GAS2L3: variants seen among roughly 807,000 people sequenced by gnomAD.
GAS2L3 encodes GAS2-like protein 3.
A neutral mutation model predicts 37.0 loss-of-function variants in GAS2L3; 28 were observed. That is an observed-to-expected ratio of 0.76 (90% CI 0.56 to 1.04). The LOEUF (loss-of-function observed/expected upper bound fraction) is 1.04, where lower values mean the gene tolerates loss of function less well. Ranked by LOEUF, GAS2L3 falls within the 50% of genes least tolerant of loss-of-function variation. GAS2L3 has a pLI of 0.00. For missense variants in GAS2L3, 793 were observed against 817.6 expected (o/e 0.97, Z 0.37); for synonymous variants, 290 against 296.6 (o/e 0.98, Z 0.23).
intron 3 of GAS2L3, among the ~76,000 whole-genome samples, chr12:100,596,349 C>G (rs1240663165): frequency 6.6e-6 from 1 of 151,978 alleles, no homozygotes; most frequent in Admixed American, 6.6e-5. Flanking sequence ...TGCCACATTG[C>G]CCATGTTTTT....
intron 2 of GAS2L3, among the ~76,000 whole-genome samples, chr12:100,592,834 G>A (rs1955862986): frequency 6.6e-6 from 1 of 151,886 alleles, no homozygotes; most frequent in Non-Finnish European, 1.5e-5. Context: ...TCCTCAAGTT[G>A]GCAAAGAATT....
intron 1 of GAS2L3, among the ~76,000 whole-genome samples, chr12:100,581,457 G>C (rs989072787): frequency 1.3e-5 from 2 of 152,210 alleles, no homozygotes; most frequent in African/African-American, 4.8e-5. Context: ...GGCACTTGTG[G>C]GTGCACTAGA....
At chr12:100,579,540 AAG>A in intron 1 of GAS2L3, 1 of 774,442 alleles carries the variant, frequency 1.3e-6, no homozygotes, top group Non-Finnish European at 2.4e-6. Flanking sequence ...AGAGGGACCA[AAG>A]AGAATCATTT....
In GAS2L3 at chr12:100,575,476, A is replaced by ATTTTT. The variant is rs58446699; in HGVS notation, c.-152+1710_-152+1714dup. ...CTAAAATGTAGTTCATGTTATCTCT[A>ATTTTT]TTTTTTTTTTTTTTTTTTTTTTTGA... is the stretch of plus-strand genomic sequence containing the variant. On this transcript the variant is annotated intron_variant, in intron 1 of 9. Coordinates refer to ENST00000547754, the MANE Select transcript of GAS2L3 (RefSeq NM_174942.3). Among the ~76,000 whole-genome samples the ATTTTT allele has an allele frequency of 3.3e-3, 289 of 88,770 alleles. 20 individuals are homozygous for ATTTTT. Among genetic ancestry groups the ATTTTT allele is most frequent in the South Asian group, 5.5e-3 (12 of 2,166 alleles). 58.2% of individuals were successfully genotyped at this position (88,770 alleles called of 152,430 possible). A position where few individuals can be genotyped will look rare whatever the true frequency, so the allele number is the denominator to read the frequency against.
intron 6 of GAS2L3, among the ~76,000 whole-genome samples, chr12:100,614,484 C>A (rs991599685): frequency 6.6e-6 from 1 of 151,932 alleles, no homozygotes; most frequent in African/African-American, 2.4e-5. Flanking sequence ...ACTATCTTAA[C>A]CATGTAACCA....
chr12:100,592,662 C>A (rs938830597), intron 2 of GAS2L3, among the ~76,000 whole-genome samples: 2 of 152,084 alleles, frequency 1.3e-5, no homozygotes, highest in African/African-American at 2.4e-5. Flanking sequence ...GTGTTTCCAA[C>A]ATTTTCCTCG....
At chr12:100,616,802 GATTT>G (rs1252636203) in intron 6 of GAS2L3, among the ~76,000 whole-genome samples, 1 of 151,924 alleles carries the variant, frequency 6.6e-6, no homozygotes, top group Non-Finnish European at 1.5e-5. Context: ...GTCTATATAT[GATTT>G]ATTTATTTTT....
chr12:100,608,755 C>T (rs1956089762), intron 5 of GAS2L3, among the ~76,000 whole-genome samples: 1 of 152,140 alleles, frequency 6.6e-6, no homozygotes, highest in African/African-American at 2.4e-5. Flanking sequence ...TCGTGATCCG[C>T]CCGCCTCGGC....
In GAS2L3 at chr12:100,623,452, A is replaced by G; in HGVS notation, c.757-110A>G. 3.2e-6 allele frequency: 3 copies of G among 925,500 alleles called. No homozygotes were observed. In the South Asian group the frequency reaches 7.2e-5, roughly 22 times the overall value. The allele number at this position is 925,500 out of a possible 1,614,324, so 57.3% of individuals were successfully genotyped here. ...CAATTTGTAGTGAGGCTGTTGGCAA[A>G]TGCTCTGAATTTTATAGATCACAGA... On this transcript the variant is annotated intron_variant, in intron 9 of 9. Transcript: ENST00000547754.
At position 100,578,748 on chromosome 12, in the gene GAS2L3, C is replaced by T. The variant is rs539149859; in HGVS notation, c.-152+4963C>T. On this transcript the variant is annotated intron_variant, in intron 1 of 9. Coordinates refer to ENST00000547754, the MANE Select transcript of GAS2L3 (RefSeq NM_174942.3). The stretch of plus-strand genomic sequence containing the variant: ...TGATGCCTAAACCATCTCAGCATGG[C>T]GTATAAAGGAGAAGGTGGGCATGGC... 5.5e-4 allele frequency: 292 copies of T among 529,722 alleles called. 1 individual carries two copies. The highest frequency in any genetic ancestry group is 3.6e-3 in the South Asian group (146 of 40,636). The allele number at this position is 529,722 out of a possible 1,614,324, so 32.8% of individuals were successfully genotyped here. A position where few individuals can be genotyped will look rare whatever the true frequency, so the allele number is the denominator to read the frequency against.
At chr12:100,612,516 A>G (rs1345138764) in intron 6 of GAS2L3, 3 of 184,872 alleles carry the variant, frequency 1.6e-5, no homozygotes, top group African/African-American at 7.2e-5. Context: ...CTAATAATGT[A>G]TTATCACGGT....
At chr12:100,607,004 G>T (rs1956065016) in intron 5 of GAS2L3, among the ~76,000 whole-genome samples, 1 of 152,030 alleles carries the variant, frequency 6.6e-6, no homozygotes, top group South Asian at 2.1e-4. Flanking sequence ...CTCATTAAAA[G>T]TCAAAAGATT....
chr12:100,582,124 C>T (rs1955720920), intron 1 of GAS2L3, among the ~76,000 whole-genome samples: 1 of 152,160 alleles, frequency 6.6e-6, no homozygotes, highest in Non-Finnish European at 1.5e-5. Context: ...AAAAAGGAGT[C>T]AGCAAAGGGA....
At chr12:100,585,628 T>C (rs980817753) in intron 1 of GAS2L3, among the ~76,000 whole-genome samples, 8 of 152,220 alleles carry the variant, frequency 5.3e-5, no homozygotes, top group Non-Finnish European at 8.8e-5. Context: ...CAGTAAATGC[T>C]GCCTCTGTCT....
chr12:100,596,946 G>T (rs1242876325), intron 3 of GAS2L3, among the ~76,000 whole-genome samples: 1 of 152,006 alleles, frequency 6.6e-6, no homozygotes, highest in Non-Finnish European at 1.5e-5. Context: ...CAGCATGTTT[G>T]AGAACAATCT....
intron 1 of GAS2L3, among the ~76,000 whole-genome samples, chr12:100,590,623 A>G (rs1376167146): frequency 6.6e-6 from 1 of 152,232 alleles, no homozygotes; most frequent in African/African-American, 2.4e-5. Context: ...ATGCATGTTT[A>G]TAGCAGCAAG....
intron 1 of GAS2L3, among the ~76,000 whole-genome samples, chr12:100,575,793 T>C (rs1004083030): frequency 7.9e-5 from 12 of 152,066 alleles, no homozygotes; most frequent in East Asian, 1.9e-4. Flanking sequence ...CTCTATTTTA[T>C]AGGGGACAAA....
chr12:100,616,746 G>A (rs1465369903), intron 6 of GAS2L3, among the ~76,000 whole-genome samples: 1 of 152,136 alleles, frequency 6.6e-6, no homozygotes, highest in African/African-American at 2.4e-5. Flanking sequence ...ACCATGTCTG[G>A]CCTATGTTAT....
intron 6 of GAS2L3, among the ~76,000 whole-genome samples, chr12:100,616,731 G>A (rs956812787): frequency 1.3e-5 from 2 of 152,168 alleles, no homozygotes; most frequent in African/African-American, 2.4e-5. Flanking sequence ...TTATAGGTGT[G>A]AGCCACCATG....
Sources: gnomAD v4.1 joint callset for allele counts (sites outside exome capture counted in the v4.1 genomes callset) on GRCh38, gnomAD v4.1.1 for gene constraint, MANE v1.5 for transcripts, NCBI Gene and HGNC (gene_info 2026-07-23, HGNC 2026-07-21) for gene names.